VAV3: variants seen among roughly 807,000 people sequenced by gnomAD.
VAV3 encodes vav guanine nucleotide exchange factor 3, also known as guanine nucleotide exchange factor VAV3.
A neutral mutation model predicts 131.2 loss-of-function variants in VAV3; 94 were observed. The observed-to-expected ratio is 0.72, with a 90% CI of 0.61 to 0.85. VAV3 has a LOEUF of 0.85. Among genes scored for constraint, VAV3 ranks in the 40% least tolerant of loss-of-function variants. The pLI, the probability that VAV3 is intolerant of heterozygous loss-of-function variation, is 0.00. For missense variants in VAV3, 939 were observed against 1,002.7 expected (o/e 0.94, Z 0.86); for synonymous variants, 349 against 342.0 (o/e 1.02, Z -0.22).
In VAV3 at chr1:107,964,915, A is replaced by T; in HGVS notation, c.-46T>A. On this transcript the variant is annotated 5_prime_UTR_variant, in exon 1 of 27. Coordinates refer to ENST00000370056, the MANE Select transcript of VAV3 (RefSeq NM_006113.5). ...GGCTGGGCCGGGGCGGGCGGCAAGG[A>T]TGCGGCCGCCGCCGCCGCCGCCGCG... 4.2e-6 allele frequency: 5 copies of T among 1,203,320 alleles called. No homozygotes were observed. Among genetic ancestry groups the T allele is most frequent in the Non-Finnish European group, 5.2e-6 (5 of 967,938 alleles). The allele number at this position is 1,203,320 out of a possible 1,614,324, so 74.5% of individuals were successfully genotyped here. A position where few individuals can be genotyped will look rare whatever the true frequency, so the allele number is the denominator to read the frequency against.
intron 17 of VAV3, 101 bp downstream of exon 17, chr1:107,704,449 G>A (rs557994692): frequency 2.5e-6 from 2 of 814,244 alleles, no homozygotes; most frequent in African/African-American, 1.8e-5. Context: ...AAGCAGATAT[G>A]TTACAATAAA....
At chr1:107,861,535 A>G (rs1669735346) in intron 2 of VAV3, among the ~76,000 whole-genome samples, 1 of 151,598 alleles carries the variant, frequency 6.6e-6, no homozygotes, top group South Asian at 2.1e-4. Flanking sequence ...AGCTAATTCT[A>G]ACATGAATCT....
At chr1:107,895,115 C>T (rs576719502) in intron 1 of VAV3, among the ~76,000 whole-genome samples, 8 of 149,622 alleles carry the variant, frequency 5.3e-5, no homozygotes, top group East Asian at 2.0e-4. Flanking sequence ...CAGTTTGGGA[C>T]GAAGAGGAAA....
intron 15 of VAV3, among the ~76,000 whole-genome samples, chr1:107,746,837 G>A (rs923793429): frequency 2.0e-5 from 3 of 151,716 alleles, no homozygotes; most frequent in African/African-American, 4.8e-5. Context: ...CCACTCTTAA[G>A]GAGAGAAGTC....
chr1:107,802,290 C>CA (rs1666864304), intron 2 of VAV3, among the ~76,000 whole-genome samples: 1 of 151,870 alleles, frequency 6.6e-6, no homozygotes, highest in African/African-American at 2.4e-5. Context: ...ATGTTCATGT[C>CA]ATCTGCATAT....
intron 1 of VAV3, among the ~76,000 whole-genome samples, chr1:107,936,897 C>G (rs1223828063): frequency 6.6e-6 from 1 of 152,146 alleles, no homozygotes; most frequent in African/African-American, 2.4e-5. Flanking sequence ...TGATTTGATA[C>G]ACATCATTCC....
At chr1:107,735,887 C>T (rs1033758850) in intron 15 of VAV3, among the ~76,000 whole-genome samples, 45 of 152,258 alleles carry the variant, frequency 3.0e-4, no homozygotes, top group Non-Finnish European at 1.5e-4. Context: ...CAAAGCCTGG[C>T]AGTGACACAA....
intron 1 of VAV3, among the ~76,000 whole-genome samples, chr1:107,881,103 A>C (rs1670751548): frequency 6.6e-6 from 1 of 152,132 alleles, no homozygotes; most frequent in Non-Finnish European, 1.5e-5. Flanking sequence ...TGTTATATTA[A>C]CTCCATTTTT....
chr1:107,952,519 A>C (rs1013861997), intron 1 of VAV3, among the ~76,000 whole-genome samples: 1 of 139,982 alleles, frequency 7.1e-6, no homozygotes, highest in Non-Finnish European at 1.5e-5. Flanking sequence ...AAAGAAAGAC[A>C]GGAGAGAAAT....
At chr1:107,785,731 C>T (rs1665944968) in intron 2 of VAV3, 3 of 924,286 alleles carry the variant, frequency 3.2e-6, no homozygotes, top group East Asian at 1.2e-4. Context: ...CAGACAGAAG[C>T]ATAGTCTGTA....
chr1:107,793,076 A>T (rs1266367537), intron 2 of VAV3, among the ~76,000 whole-genome samples: 1 of 152,218 alleles, frequency 6.6e-6, no homozygotes, highest in East Asian at 1.9e-4. Context: ...ACATGTACAC[A>T]CACATACCAG....
At chr1:107,710,318 T>C (rs1040850550) in intron 15 of VAV3, among the ~76,000 whole-genome samples, 1 of 152,162 alleles carries the variant, frequency 6.6e-6, no homozygotes, top group African/African-American at 2.4e-5. Context: ...TTTCATCATA[T>C]TGCATTGAAA....
At chr1:107,626,802 A>G (rs746165225) in intron 20 of VAV3, among the ~76,000 whole-genome samples, 2 of 152,218 alleles carry the variant, frequency 1.3e-5, no homozygotes, top group Non-Finnish European at 2.9e-5. Flanking sequence ...ACCCAAAGCA[A>G]TGAGTCTTTT....
intron 15 of VAV3, among the ~76,000 whole-genome samples, chr1:107,736,331 C>T (rs1460961263): frequency 3.3e-5 from 5 of 152,098 alleles, no homozygotes; most frequent in Non-Finnish European, 2.9e-5. Flanking sequence ...CACTCCTATT[C>T]AACATAGTGT....
At chr1:107,874,616 C>T (rs1453054526) in intron 2 of VAV3, among the ~76,000 whole-genome samples, 8 of 151,928 alleles carry the variant, frequency 5.3e-5, no homozygotes. Context: ...AAAATTATCT[C>T]TGGAGAAAAG....
chr1:107,952,407 C>T (rs758365810), intron 1 of VAV3, among the ~76,000 whole-genome samples: 19 of 149,102 alleles, frequency 1.3e-4, no homozygotes, highest in Non-Finnish European at 2.4e-4. Flanking sequence ...AATAAACCCC[C>T]ATGACACACG....
intron 19 of VAV3, among the ~76,000 whole-genome samples, chr1:107,654,142 TTTGA>T (rs1656371760): frequency 6.6e-6 from 1 of 152,196 alleles, no homozygotes; most frequent in East Asian, 1.9e-4. Flanking sequence ...CGGTGGAATC[TTTGA>T]TTGACCAAGA....
chr1:107,612,443 T>C (rs1652826903), intron 21 of VAV3, among the ~76,000 whole-genome samples: 1 of 152,132 alleles, frequency 6.6e-6, no homozygotes. Context: ...GGTTCTTTTG[T>C]AGTTCCTATT....
At chr1:107,848,461 C>G (rs1286192941) in intron 2 of VAV3, among the ~76,000 whole-genome samples, 1 of 152,048 alleles carries the variant, frequency 6.6e-6, no homozygotes. Flanking sequence ...ATAAACAGAA[C>G]CAATGACAAA....
Sources: gnomAD v4.1 joint callset for allele counts (sites outside exome capture counted in the v4.1 genomes callset) on GRCh38, gnomAD v4.1.1 for gene constraint, MANE v1.5 for transcripts, NCBI Gene and HGNC (gene_info 2026-07-23, HGNC 2026-07-21) for gene names.